The following EXOC4 variants were observed in gnomAD, a reference collection of about 807,000 sequenced individuals.
The protein encoded by EXOC4 is exocyst complex component 4.
Under a neutral mutation model 107.2 loss-of-function variants are expected in EXOC4, and 71 were observed. The observed-to-expected ratio is 0.66, with a 90% confidence interval of 0.55 to 0.81. The LOEUF (loss-of-function observed/expected upper bound fraction) is 0.81, where lower values mean the gene tolerates loss of function less well. Among genes scored for constraint, EXOC4 ranks in the 30% least tolerant of loss-of-function variants. The probability of loss-of-function intolerance (pLI) is 0.00; values close to 1 mark genes in which losing one functional copy is unlikely to be tolerated. For synonymous variants in EXOC4, 456 were observed against 441.2 expected, an observed-to-expected ratio of 1.03 and a Z score of -0.42; for missense variants, 1,108 against 1,189.6, an observed-to-expected ratio of 0.93 and a Z score of 1.01.
chr7:133,820,605 T>C (rs1228096558), intron 11 of EXOC4, among the ~76,000 whole-genome samples: 1 of 152,192 alleles, frequency 6.6e-6, no homozygotes. Flanking sequence ...AAGATGCATG[T>C]GGGTTAAATA....
intron 17 of EXOC4, among the ~76,000 whole-genome samples, chr7:134,042,161 A>G (rs967377148): frequency 1.3e-5 from 2 of 152,214 alleles, no homozygotes; most frequent in Admixed American, 6.5e-5. Context: ...TACCTGGGAA[A>G]AACTGAGGCT....
intron 11 of EXOC4, among the ~76,000 whole-genome samples, chr7:133,884,806 T>A (rs1284645999): frequency 6.6e-6 from 1 of 152,204 alleles, no homozygotes; most frequent in Non-Finnish European, 1.5e-5. Flanking sequence ...GAATTGTGAA[T>A]TTATTTATGT....
At chr7:134,037,638 T>C (rs1410762555) in intron 17 of EXOC4, among the ~76,000 whole-genome samples, 2 of 152,082 alleles carry the variant, frequency 1.3e-5, no homozygotes, top group African/African-American at 2.4e-5. Flanking sequence ...AACGTGAACA[T>C]TTTAGGCACA....
chr7:133,994,572 A>C (rs1235421765), intron 14 of EXOC4, among the ~76,000 whole-genome samples: 1 of 152,214 alleles, frequency 6.6e-6, no homozygotes, highest in Non-Finnish European at 1.5e-5. Flanking sequence ...AGGAACAGAC[A>C]TACTAGGAAT....
intron 17 of EXOC4, among the ~76,000 whole-genome samples, chr7:134,055,923 G>A (rs1241748324): frequency 1.3e-5 from 2 of 152,242 alleles, no homozygotes; most frequent in African/African-American, 4.8e-5. Context: ...AGTTTCCTAA[G>A]CATTAGTAAT....
rs1207256923 is a variant in EXOC4, at chr7:133,382,790, A to G, written c.1182+7788A>G. Among the ~76,000 whole-genome samples the G allele has an allele frequency of 1.3e-5, 2 of 152,144 alleles. 1 individual carries two copies. The highest frequency in any genetic ancestry group is 2.9e-5 in the Non-Finnish European group (2 of 68,012). Reference sequence around the variant, plus strand: ...TAGTAAATTAATTCTTGGAAGAGAGAATACTTTTTGATCTTTTAATGACTT... The same window carrying G: ...TAGTAAATTAATTCTTGGAAGAGAGGATACTTTTTGATCTTTTAATGACTT... On this transcript the variant is annotated intron_variant, in intron 7 of 17. Transcript: ENST00000253861.
intron 11 of EXOC4, among the ~76,000 whole-genome samples, chr7:133,861,428 T>TA (rs1798531050): frequency 6.6e-6 from 1 of 152,086 alleles, no homozygotes; most frequent in Admixed American, 6.6e-5. Flanking sequence ...AAGAAATAAA[T>TA]ACAATTTAAA....
At chr7:133,486,597 C>T (rs151105214) in intron 9 of EXOC4, among the ~76,000 whole-genome samples, 271 of 152,196 alleles carry the variant, frequency 1.8e-3, no homozygotes, top group African/African-American at 6.0e-3. Flanking sequence ...TCATTAATAA[C>T]TATGCAACAA....
chr7:133,851,094 G>GT (rs1798231672), intron 11 of EXOC4, among the ~76,000 whole-genome samples: 2 of 152,262 alleles, frequency 1.3e-5, no homozygotes, highest in Middle Eastern at 3.4e-3. Flanking sequence ...AAGCACACAT[G>GT]TTTAACTTTT....
At chr7:134,048,976 G>A (rs1256830339) in intron 17 of EXOC4, among the ~76,000 whole-genome samples, 1 of 152,024 alleles carries the variant, frequency 6.6e-6, no homozygotes, top group African/African-American at 2.4e-5. Context: ...TTGTCATCAT[G>A]TGTGACTTCT....
At chr7:133,708,471 T>C (rs1794815996) in intron 10 of EXOC4, among the ~76,000 whole-genome samples, 1 of 152,250 alleles carries the variant, frequency 6.6e-6, no homozygotes. Flanking sequence ...ACACATTTAT[T>C]CATTTATTTA....
In EXOC4 at chr7:133,778,678, G is replaced by A. The variant is rs534752155; in HGVS notation, c.1515-38647G>A. 3.9e-5 allele frequency among the ~76,000 whole-genome samples: 6 copies of A among 152,336 alleles called. No homozygotes were observed. The South Asian group carries it at 1.2e-3, about 32-fold the overall frequency. On this transcript the variant is annotated intron_variant, in intron 10 of 17. Coordinates refer to ENST00000253861, the MANE Select transcript of EXOC4 (RefSeq NM_021807.4). ...CCACGATTACTCATTCAGAAAGTTA[G>A]CATCGTCTAACCAAAGTTTCAGAGG...
intron 9 of EXOC4, among the ~76,000 whole-genome samples, chr7:133,538,323 T>C (rs938726214): frequency 2.0e-5 from 3 of 152,240 alleles, no homozygotes; most frequent in Non-Finnish European, 4.4e-5. Flanking sequence ...GGGATAGAAT[T>C]GTTTCCCTTT....
chr7:133,380,837 C>T (rs1469069926), intron 7 of EXOC4, among the ~76,000 whole-genome samples: 2 of 152,028 alleles, frequency 1.3e-5, no homozygotes, highest in African/African-American at 2.4e-5. Context: ...GAACTGAAAC[C>T]GTTCTAATGA....
intron 9 of EXOC4, among the ~76,000 whole-genome samples, chr7:133,558,658 T>C (rs1355817305): frequency 6.6e-6 from 1 of 152,210 alleles, no homozygotes; most frequent in Non-Finnish European, 1.5e-5. Context: ...TTTATTTTTC[T>C]TTTGTTAGTT....
chr7:133,354,336 T>C (rs967512964), intron 5 of EXOC4, among the ~76,000 whole-genome samples: 29 of 152,170 alleles, frequency 1.9e-4, no homozygotes, highest in African/African-American at 6.3e-4. Flanking sequence ...TTATAAATTA[T>C]TGTAGTCAGT....
intron 10 of EXOC4, among the ~76,000 whole-genome samples, chr7:133,799,285 A>G (rs1440974515): frequency 6.6e-6 from 1 of 152,168 alleles, no homozygotes; most frequent in Non-Finnish European, 1.5e-5. Flanking sequence ...ACACAGTCAC[A>G]CTCAGAATGA....
intron 12 of EXOC4, among the ~76,000 whole-genome samples, chr7:133,901,153 A>G (rs2116553686): frequency 6.6e-6 from 1 of 152,298 alleles, no homozygotes; most frequent in East Asian, 1.9e-4. Context: ...TACAGGCATG[A>G]GCCACCATGC....
rs189069832 is a variant in EXOC4, at chr7:133,646,038, C to A, written c.1514+15897C>A. On this transcript the variant is annotated intron_variant, in intron 10 of 17. Transcript: ENST00000253861. ...CATGACAGCACACGAAGCTTCTCCT[C>A]TCCTCCTCTCCCCAAACAGCATACA... 6.4e-5 allele frequency among the ~76,000 whole-genome samples: 8 copies of A among 125,004 alleles called. No homozygotes were observed. In the East Asian group the frequency reaches 1.6e-3, roughly 25 times the overall value. The allele number at this position is 125,004 out of a possible 152,430, so 82.0% of individuals were successfully genotyped here.
Sources: allele counts gnomAD v4.1 joint callset (sites outside exome capture counted in the v4.1 genomes callset), GRCh38; gene constraint gnomAD v4.1.1; transcripts MANE v1.5; gene names NCBI Gene and HGNC (gene_info 2026-07-23, HGNC 2026-07-21).